TBXAS1: variants seen among roughly 807,000 people sequenced by gnomAD.
TBXAS1 encodes the protein thromboxane A synthase 1, also known as thromboxane-A synthase.
TBXAS1 carries 48 observed loss-of-function variants against 60.7 expected under a neutral mutation model. The observed-to-expected ratio is 0.79, with a 90% CI of 0.63 to 1.01. TBXAS1 has a LOEUF of 1.01. Ranked by LOEUF, TBXAS1 falls within the 50% of genes least tolerant of loss-of-function variation. The pLI is 0.00. For missense variants in TBXAS1, 685 were observed against 686.3 expected (o/e 1.00, Z 0.02); for synonymous variants, 287 against 269.7 (o/e 1.06, Z -0.63).
intron 8 of TBXAS1, among the ~76,000 whole-genome samples, chr7:139,958,252 T>C (rs1368580315): frequency 6.6e-6 from 1 of 152,170 alleles, no homozygotes; most frequent in African/African-American, 2.4e-5. Flanking sequence ...AGGATGTCGC[T>C]ACAGAACTCG....
At chr7:139,903,635 A>G (rs1465701466) in intron 3 of TBXAS1, among the ~76,000 whole-genome samples, 1 of 151,998 alleles carries the variant, frequency 6.6e-6, no homozygotes, top group Non-Finnish European at 1.5e-5. Context: ...TTTTTTGATT[A>G]TAGCCATTTT....
At chr7:139,790,678 C>T (rs142321964) in intron 4 of TBXAS1, among the ~76,000 whole-genome samples, 3 of 152,176 alleles carry the variant, frequency 2.0e-5, no homozygotes. Context: ...TTTCTTGCAC[C>T]TATGAATTCA....
chr7:139,939,337 C>T (rs1472667643), intron 5 of TBXAS1, among the ~76,000 whole-genome samples: 1 of 134,750 alleles, frequency 7.4e-6, no homozygotes, highest in African/African-American at 3.0e-5. Flanking sequence ...GCACTCTAGC[C>T]TTGGTGACAG....
chr7:140,011,880 GATAA>G lies in TBXAS1; in HGVS notation c.1227-3838_1227-3835del, dbSNP rs1379669066. ...CAATGAAATAATAAACAGGTGAGCA[GATAA>G]ATAACTAAATAAACCCAGCCTCACC... is the stretch of plus-strand genomic sequence containing the variant. On this transcript the variant is annotated intron_variant, in intron 10 of 12. Transcript: ENST00000448866. 8.5e-5 allele frequency among the ~76,000 whole-genome samples: 13 copies of G among 152,162 alleles called. No individual in the cohort carries two copies. The East Asian group carries it at 2.1e-3, about 25-fold the overall frequency.
intron 5 of TBXAS1, among the ~76,000 whole-genome samples, chr7:139,944,128 G>A (rs868860256): frequency 1.3e-5 from 2 of 152,336 alleles, no homozygotes; most frequent in African/African-American, 4.8e-5. Context: ...AATCGTGGAA[G>A]GTGGTGACAG....
At chr7:139,934,908 G>C (rs1386105755) in intron 4 of TBXAS1, among the ~76,000 whole-genome samples, 3 of 152,116 alleles carry the variant, frequency 2.0e-5, no homozygotes, top group Non-Finnish European at 2.9e-5. Context: ...CGCCTCCTGG[G>C]TTTGAGCAAT....
At chr7:140,007,458 T>C (rs1230744602) in intron 10 of TBXAS1, among the ~76,000 whole-genome samples, 2 of 152,246 alleles carry the variant, frequency 1.3e-5, no homozygotes, top group African/African-American at 4.8e-5. Context: ...TTTGCTGGCT[T>C]TTGCCATTTC....
intron 1 of TBXAS1, among the ~76,000 whole-genome samples, chr7:139,869,874 G>A (rs1377237012): frequency 6.6e-6 from 1 of 152,190 alleles, no homozygotes; most frequent in Non-Finnish European, 1.5e-5. Context: ...AGGGCAGCAA[G>A]GGGACCCTGA....
rs537633724 is a variant in TBXAS1, at chr7:139,837,091, T to C, written c.89+7612T>C. ...ACACTAACGACCAGGGAAATGCAAA[T>C]CAAAACCACAATGCAATACCACATT... On this transcript the variant is annotated intron_variant, in intron 1 of 12. Coordinates refer to ENST00000448866, the MANE Select transcript of TBXAS1 (RefSeq NM_001061.7). 6.6e-5 allele frequency among the ~76,000 whole-genome samples: 10 copies of C among 152,088 alleles called. 1 individual carries two copies. The South Asian group carries it at 2.1e-3, about 32-fold the overall frequency.
At chr7:139,960,240 C>T (rs1381567732) in intron 8 of TBXAS1, among the ~76,000 whole-genome samples, 2 of 152,194 alleles carry the variant, frequency 1.3e-5, no homozygotes, top group Non-Finnish European at 2.9e-5. Flanking sequence ...AGTAGAGCTG[C>T]AAAGGTGTCA....
At chr7:139,922,174 T>C (rs925171650) in intron 4 of TBXAS1, among the ~76,000 whole-genome samples, 2 of 151,558 alleles carry the variant, frequency 1.3e-5, no homozygotes, top group Admixed American at 1.3e-4. Context: ...TGATCTCAGC[T>C]CACTACAACC....
chr7:139,938,049 C>T (rs946294118), intron 5 of TBXAS1, among the ~76,000 whole-genome samples: 8 of 152,166 alleles, frequency 5.3e-5, no homozygotes, highest in African/African-American at 1.9e-4. Context: ...ACTGGTAAAG[C>T]TGTTTGAAAA....
At chr7:139,954,275 C>T (rs1008377297) in intron 6 of TBXAS1, among the ~76,000 whole-genome samples, 3 of 152,194 alleles carry the variant, frequency 2.0e-5, no homozygotes, top group African/African-American at 7.2e-5. Flanking sequence ...CCAGTTTACA[C>T]AGTCTTTTCA....
Position 140,018,430 on chromosome 7 carries a change from G to A in TBXAS1, c.1527+597G>A, listed in dbSNP as rs372452515. On this transcript the variant is annotated intron_variant, in intron 12 of 12. Coordinates refer to ENST00000448866, the MANE Select transcript of TBXAS1 (RefSeq NM_001061.7). ...CAGCCTGGTCCCTCTCACAGGTGGT[G>A]ACACAGCCTCTTCCCAACAACATAT... is the stretch of plus-strand genomic sequence containing the variant. Among the ~76,000 whole-genome samples the A allele has an allele frequency of 1.5e-4, 23 of 152,230 alleles. No individual in the cohort carries two copies. The South Asian group carries it at 4.6e-3, about 30-fold the overall frequency.
At chr7:139,858,091 G>A (rs892088228) in intron 1 of TBXAS1, among the ~76,000 whole-genome samples, 4 of 152,126 alleles carry the variant, frequency 2.6e-5, no homozygotes, top group Non-Finnish European at 4.4e-5. Context: ...TGAGAAAGTA[G>A]AACACACTCC....
At chr7:139,974,323 T>C (rs1290486650) in intron 9 of TBXAS1, among the ~76,000 whole-genome samples, 1 of 152,188 alleles carries the variant, frequency 6.6e-6, no homozygotes, top group African/African-American at 2.4e-5. Flanking sequence ...AGGCAGGCAC[T>C]GCCTCTCTCT....
Position 139,836,952 on chromosome 7 carries a change from A to T in TBXAS1, c.89+7473A>T, listed in dbSNP as rs142748086. Among the ~76,000 whole-genome samples, 498 of 152,346 alleles carry T rather than the reference A, an allele frequency of 3.3e-3. 3 individuals are homozygous for T. The highest frequency in any genetic ancestry group is 0.011 in the African/African-American group (473 of 41,574). On this transcript the variant is annotated intron_variant, in intron 1 of 12. Coordinates refer to ENST00000448866, the MANE Select transcript of TBXAS1 (RefSeq NM_001061.7). ...CACATTCAGACTCTACAATGAACTC[A>T]AACAAATCAGTAAGAAAAAAACAAT... is the stretch of plus-strand genomic sequence containing the variant.
chr7:139,877,975 G>A (rs1584747219), intron 3 of TBXAS1, among the ~76,000 whole-genome samples: 1 of 152,074 alleles, frequency 6.6e-6, no homozygotes, highest in Admixed American at 6.6e-5. Context: ...GACTGAGTTT[G>A]AATTCTAGGA....
At chr7:139,929,565 A>C (rs1259002765) in intron 4 of TBXAS1, among the ~76,000 whole-genome samples, 2 of 152,236 alleles carry the variant, frequency 1.3e-5, no homozygotes, top group Non-Finnish European at 2.9e-5. Context: ...TAGAAGGCAA[A>C]AAATTGAACA....
Sources: gnomAD v4.1 joint callset for allele counts (sites outside exome capture counted in the v4.1 genomes callset) on GRCh38, gnomAD v4.1.1 for gene constraint, MANE v1.5 for transcripts, NCBI Gene and HGNC (gene_info 2026-07-23, HGNC 2026-07-21) for gene names.